The following SLIT1 variants were observed in gnomAD, a reference collection of about 807,000 sequenced individuals.
The protein encoded by SLIT1 is slit guidance ligand 1.
Under a neutral mutation model 186.1 loss-of-function variants are expected in SLIT1, and 66 were observed. The observed-to-expected ratio is 0.35, with a 90% CI of 0.29 to 0.44. The LOEUF is 0.44. Ranked by LOEUF, SLIT1 falls within the 20% of genes least tolerant of loss-of-function variation. The pLI is 1.00. For synonymous variants in SLIT1, 761 were observed against 833.8 expected (o/e 0.91, Z 1.50); for missense variants, 1,638 against 2,037.4 (o/e 0.80, Z 3.77).
chr10:97,013,904 C>G, intron 29 of SLIT1, 70 bp from the exon 30 acceptor site: 1 of 1,545,524 alleles, frequency 6.5e-7, no homozygotes, highest in Non-Finnish European at 8.8e-7. Flanking sequence ...GCCAGACCCA[C>G]AGAAATCCTC....
Position 97,001,125 on chromosome 10 carries a change from G to A in SLIT1, c.4592C>T (p.Ala1531Val). Residue 1531 changes from alanine to valine, a missense_variant, in exon 37 of 37, where the codon GCC becomes GTC. Transcript: ENST00000266058. Reference protein sequence around the residue: ...EVEKPTKCGCALCA With the variant: ...EVEKPTKCGCVLCA Reference sequence around the variant, plus strand: ...CCACGCCCAGCGCTATGCGCAGAGGGCACAGCCACACTTGGTGGGCTTTTC... The same window carrying A: ...CCACGCCCAGCGCTATGCGCAGAGGACACAGCCACACTTGGTGGGCTTTTC... 1 of 1,612,714 alleles carries A rather than the reference G, an allele frequency of 6.2e-7. No homozygotes were observed. The highest frequency in any genetic ancestry group is 8.5e-7 in the Non-Finnish European group (1 of 1,179,694).
chr10:97,119,166 C>T (rs1243677752), intron 4 of SLIT1, among the ~76,000 whole-genome samples: 7 of 152,212 alleles, frequency 4.6e-5, no homozygotes, highest in Non-Finnish European at 8.8e-5. Flanking sequence ...TCCTCACCAC[C>T]CCTCTTACCT....
intron 8 of SLIT1, 95 bp from the exon 9 acceptor site, chr10:97,060,882 G>A (rs1278374293): frequency 1.9e-5 from 25 of 1,331,122 alleles, no homozygotes; most frequent in Non-Finnish European, 2.4e-5. Flanking sequence ...GGTGTACACT[G>A]GCAGTTTCTC....
chr10:97,042,789 CAG>C, intron 20 of SLIT1, 110 bp downstream of exon 20: 1 of 1,195,230 alleles, frequency 8.4e-7, no homozygotes, highest in Non-Finnish European at 1.2e-6. Context: ...CCTCTCCTCT[CAG>C]GGGCATGCCA....
intron 3 of SLIT1, 106 bp from the exon 4 acceptor site, chr10:97,157,995 A>G: frequency 1.2e-6 from 1 of 837,370 alleles, no homozygotes. Flanking sequence ...CAGTATTCAA[A>G]TCCTAACAGG....
chr10:97,031,060 AT>A (rs1232402241), intron 24 of SLIT1, among the ~76,000 whole-genome samples: 6 of 152,328 alleles, frequency 3.9e-5, no homozygotes, highest in Non-Finnish European at 7.4e-5. Context: ...CTGTGTTTAC[AT>A]TACAAACAGG....
At chr10:97,038,577 C>T (rs879722813) in intron 21 of SLIT1, among the ~76,000 whole-genome samples, 3 of 152,174 alleles carry the variant, frequency 2.0e-5, no homozygotes, top group Non-Finnish European at 4.4e-5. Context: ...CCCCTCTTCC[C>T]TTCATTGTTG....
At chr10:97,047,129 CTG>C (rs1848741651) in intron 16 of SLIT1, 64 bp from the exon 17 acceptor site, 1 of 1,104,236 alleles carries the variant, frequency 9.1e-7, no homozygotes, top group Non-Finnish European at 1.4e-6. Context: ...CCCTTCCAAA[CTG>C]AGAATATTTG....
At chr10:97,005,122 C>G in intron 32 of SLIT1, among the ~76,000 whole-genome samples, 1 of 152,236 alleles carries the variant, frequency 6.6e-6, no homozygotes, top group East Asian at 1.9e-4. Flanking sequence ...TCAGGACAAT[C>G]TTCCCAGAGA....
At chr10:97,143,524 G>C (rs1031356300) in intron 4 of SLIT1, among the ~76,000 whole-genome samples, 1 of 152,208 alleles carries the variant, frequency 6.6e-6, no homozygotes, top group Non-Finnish European at 1.5e-5. Flanking sequence ...CAAAGTTCTG[G>C]AGATCTGTTT....
intron 1 of SLIT1, among the ~76,000 whole-genome samples, chr10:97,179,499 G>A (rs1009865965): frequency 6.6e-6 from 1 of 152,140 alleles, no homozygotes; most frequent in African/African-American, 2.4e-5. Context: ...TTACAGATGA[G>A]GAAGTTGAGT....
chr10:97,065,248 C>T (rs1264486273), intron 5 of SLIT1, among the ~76,000 whole-genome samples: 3 of 152,128 alleles, frequency 2.0e-5, no homozygotes, highest in Non-Finnish European at 4.4e-5. Context: ...AGCTGGCAAA[C>T]AGACCTCAGC....
rs116026112 is a variant in SLIT1 at position 97,034,364 on chromosome 10, G to A, written c.2438+107C>T. ...GCCCGGCACCCTCTCCAGAGGGCAA[G>A]GCGTCTGCAGGCGAGGGATCTGGGA... On this transcript the variant is annotated intron_variant, in intron 23 of 36. Coordinates refer to ENST00000266058, the MANE Select transcript of SLIT1 (RefSeq NM_003061.3). The A allele has an allele frequency of 1.7e-3, 1,363 of 810,422 alleles. 11 individuals are homozygous for A. In the African/African-American group the frequency reaches 0.02, roughly 12 times the overall value. The allele number at this position is 810,422 out of a possible 1,614,324, so 50.2% of individuals were successfully genotyped here. A position where few individuals can be genotyped will look rare whatever the true frequency, so the allele number is the denominator to read the frequency against.
At chr10:97,008,588 C>T (rs981201477) in intron 31 of SLIT1, among the ~76,000 whole-genome samples, 2 of 151,592 alleles carry the variant, frequency 1.3e-5, no homozygotes, top group South Asian at 4.2e-4. Flanking sequence ...CCCAGCTACT[C>T]TGGAGGCTGA....
intron 8 of SLIT1, among the ~76,000 whole-genome samples, chr10:97,061,378 T>C (rs889557540): frequency 6.6e-6 from 1 of 152,242 alleles, no homozygotes; most frequent in African/African-American, 2.4e-5. Flanking sequence ...GTATAACTTA[T>C]ACAAAGTGTT....
chr10:97,009,415 T>C (rs1300885737), intron 31 of SLIT1, among the ~76,000 whole-genome samples: 1 of 152,228 alleles, frequency 6.6e-6, no homozygotes, highest in Non-Finnish European at 1.5e-5. Context: ...CAAATAGTGC[T>C]AGTACAACTG....
Position 97,185,840 on chromosome 10 carries a change from G to T in SLIT1, c.-166C>A, listed in dbSNP as rs1189376390. The T allele has an allele frequency of 1.0e-5, 6 of 572,080 alleles. No individual in the cohort carries two copies. Among genetic ancestry groups the T allele is most frequent in the Non-Finnish European group, 1.7e-5 (6 of 353,510 alleles). 35.4% of individuals were successfully genotyped at this position (572,080 alleles called of 1,614,324 possible). Reference sequence around the variant, plus strand: ...GAGGCACCTTGCTCCTCCAAGCGACGGCGCCTGTGCGCGGACGGAGGGAGG... The same window carrying T: ...GAGGCACCTTGCTCCTCCAAGCGACTGCGCCTGTGCGCGGACGGAGGGAGG... On this transcript the variant is annotated 5_prime_UTR_variant, in exon 1 of 37. Coordinates refer to ENST00000266058, the MANE Select transcript of SLIT1 (RefSeq NM_003061.3).
intron 4 of SLIT1, chr10:97,102,190 G>A (rs1849363263): frequency 6.6e-6 from 1 of 152,314 alleles, no homozygotes; most frequent in Non-Finnish European, 1.5e-5. Flanking sequence ...GGGAGGCTGA[G>A]GCAGGTAGAT....
chr10:97,046,156 C>T (rs1848731735), intron 18 of SLIT1, among the ~76,000 whole-genome samples: 2 of 152,334 alleles, frequency 1.3e-5, no homozygotes, highest in African/African-American at 4.8e-5. Context: ...TGTCCTGCAT[C>T]ATGGAGGAGC....
Sources: gnomAD v4.1 joint callset for allele counts (sites outside exome capture counted in the v4.1 genomes callset) on GRCh38, gnomAD v4.1.1 for gene constraint, MANE v1.5 for transcripts, NCBI Gene and HGNC (gene_info 2026-07-23, HGNC 2026-07-21) for gene names.